Variants in PID1 observed in about 807,000 individuals in gnomAD.
PID1 encodes the protein phosphotyrosine interaction domain containing 1, also known as PTB-containing, cubilin and LRP1-interacting protein.
PID1 carries 10 observed loss-of-function variants against 19.1 expected under a neutral mutation model. The ratio of observed to expected loss-of-function variants is 0.52; its 90% CI spans 0.32 to 0.89. The LOEUF (loss-of-function observed/expected upper bound fraction) is 0.89. Among genes scored for constraint, PID1 ranks in the 40% least tolerant of loss-of-function variants. PID1 has a pLI of 0.03. For missense variants in PID1, 248 were observed against 285.3 expected (o/e 0.87, Z 0.94); for synonymous variants, 130 against 116.0 (o/e 1.12, Z -0.78).
intron 1 of PID1, among the ~76,000 whole-genome samples, chr2:229,217,148 T>C (rs1260584740): frequency 6.6e-6 from 1 of 152,198 alleles, no homozygotes; most frequent in African/African-American, 2.4e-5. Flanking sequence ...GAGCCCATTT[T>C]TGTCCAGGAT....
chr2:229,254,602 G>T (rs1574761592), intron 1 of PID1, among the ~76,000 whole-genome samples: 2 of 152,192 alleles, frequency 1.3e-5, no homozygotes, highest in South Asian at 4.1e-4. Context: ...TTTAGGCCGA[G>T]TTATGACCTT....
At chr2:229,203,236 T>A (rs1358318531) in intron 1 of PID1, among the ~76,000 whole-genome samples, 1 of 152,064 alleles carries the variant, frequency 6.6e-6, no homozygotes, top group Non-Finnish European at 1.5e-5. Context: ...TACAAAGTAA[T>A]AGGATCAGTG....
intron 2 of PID1, among the ~76,000 whole-genome samples, chr2:229,044,949 A>T (rs1243954949): frequency 6.6e-6 from 1 of 152,168 alleles, no homozygotes; most frequent in African/African-American, 2.4e-5. Context: ...TAAATATTTT[A>T]AAATTCAGGG....
intron 2 of PID1, among the ~76,000 whole-genome samples, chr2:229,050,831 A>C (rs6436835): frequency 0.52 from 79,275 of 151,742 alleles, 21,460 homozygotes; most frequent in East Asian, 0.67. Context: ...CCAAGCAAAA[A>C]CAAAACAAAA....
At chr2:229,157,981 T>C (rs1690412105) in intron 1 of PID1, among the ~76,000 whole-genome samples, 2 of 152,160 alleles carry the variant, frequency 1.3e-5, no homozygotes, top group South Asian at 4.1e-4. Flanking sequence ...TAAAAACAGG[T>C]AAGTTAGTTT....
chr2:229,086,198 G>T (rs943896211), intron 2 of PID1, among the ~76,000 whole-genome samples: 1 of 152,008 alleles, frequency 6.6e-6, no homozygotes, highest in Non-Finnish European at 1.5e-5. Context: ...TTATGATGCG[G>T]TTACATTCCA....
intron 1 of PID1, among the ~76,000 whole-genome samples, chr2:229,260,736 C>G (rs1248498881): frequency 1.3e-5 from 2 of 150,750 alleles, no homozygotes; most frequent in Non-Finnish European, 2.9e-5. Flanking sequence ...CTACCCTAAG[C>G]AGACATTATT....
At chr2:229,191,018 A>G (rs1343524640) in intron 1 of PID1, among the ~76,000 whole-genome samples, 1 of 152,224 alleles carries the variant, frequency 6.6e-6, no homozygotes, top group African/African-American at 2.4e-5. Context: ...TAGGGAAAAA[A>G]TGTCTAAAAG....
At chr2:229,151,310 A>T (rs952523340) in intron 2 of PID1, among the ~76,000 whole-genome samples, 1 of 152,158 alleles carries the variant, frequency 6.6e-6, no homozygotes, top group African/African-American at 2.4e-5. Context: ...CTGTGGAGTC[A>T]GAATGCTGCA....
At chr2:229,265,266 CA>C (rs1181565754) in intron 1 of PID1, among the ~76,000 whole-genome samples, 2 of 152,302 alleles carry the variant, frequency 1.3e-5, no homozygotes, top group African/African-American at 4.8e-5. Flanking sequence ...AATCCTGGGC[CA>C]TCAGGCATGG....
chr2:229,160,536 C>T (rs1216970700), intron 1 of PID1, among the ~76,000 whole-genome samples: 1 of 152,094 alleles, frequency 6.6e-6, no homozygotes, highest in Non-Finnish European at 1.5e-5. Flanking sequence ...CCCTGAACAC[C>T]TATATGCAGC....
At chr2:229,099,936 T>C (rs1383701433) in intron 2 of PID1, among the ~76,000 whole-genome samples, 1 of 152,170 alleles carries the variant, frequency 6.6e-6, no homozygotes, top group Non-Finnish European at 1.5e-5. Context: ...TAATCTCCAA[T>C]ATGACACTGT....
At chr2:229,110,425 G>C (rs1695274426) in intron 2 of PID1, among the ~76,000 whole-genome samples, 1 of 152,176 alleles carries the variant, frequency 6.6e-6, no homozygotes, top group Non-Finnish European at 1.5e-5. Context: ...GGCAAGATCA[G>C]GTGAGGGAAG....
rs571241830 is a variant in PID1, at chr2:229,174,567, A to G, written c.31-18603T>C. On this transcript the variant is annotated intron_variant, in intron 1 of 2. Transcript: ENST00000392055. ...GTATTTTTTACATTATCACCCCCCA[A>G]TGGGCCTTTTTAGACTGTCCCCATT... Among the ~76,000 whole-genome samples, 5 of 152,062 alleles carry G rather than the reference A, an allele frequency of 3.3e-5. No homozygotes were observed. The South Asian group carries it at 6.2e-4, about 19-fold the overall frequency.
intron 2 of PID1, among the ~76,000 whole-genome samples, chr2:229,052,146 TTA>T (rs1694008868): frequency 6.6e-6 from 1 of 152,170 alleles, no homozygotes; most frequent in Non-Finnish European, 1.5e-5. Context: ...TTTAACAACG[TTA>T]TAGTGCCAAA....
chr2:229,101,741 C>G (rs184231934), intron 2 of PID1, among the ~76,000 whole-genome samples: 240 of 152,296 alleles, frequency 1.6e-3, no homozygotes, highest in Non-Finnish European at 2.8e-3. Context: ...CCTTGACCTT[C>G]AGATCACCAG....
chr2:229,249,553 A>G (rs1690096329), intron 1 of PID1, among the ~76,000 whole-genome samples: 1 of 152,268 alleles, frequency 6.6e-6, no homozygotes, highest in African/African-American at 2.4e-5. Context: ...AAAGATGAAC[A>G]AAGACCCAGC....
chr2:229,228,432 T>C (rs1692129876), intron 1 of PID1, among the ~76,000 whole-genome samples: 1 of 152,204 alleles, frequency 6.6e-6, no homozygotes. Context: ...GCAGATAACA[T>C]AATCACAAAA....
intron 2 of PID1, among the ~76,000 whole-genome samples, chr2:229,113,596 A>ATGTGTGTGCGTG (rs149037516): frequency 2.1e-5 from 3 of 141,976 alleles, no homozygotes; most frequent in East Asian, 4.2e-4. Flanking sequence ...GTATGCATAT[A>ATGTGTGTGCGTG]TGTGTGTGTG....
Sources: gnomAD v4.1 joint callset for allele counts (sites outside exome capture counted in the v4.1 genomes callset) on GRCh38, gnomAD v4.1.1 for gene constraint, MANE v1.5 for transcripts, NCBI Gene and HGNC (gene_info 2026-07-23, HGNC 2026-07-21) for gene names.